The following CNTNAP2 variants were observed in gnomAD, a reference collection of about 807,000 sequenced individuals.
The protein encoded by CNTNAP2 is contactin-associated protein-like 2.
Under a neutral mutation model 155.2 loss-of-function variants are expected in CNTNAP2, and 98 were observed. The ratio of observed to expected loss-of-function variants is 0.63; its 90% CI spans 0.54 to 0.75. The LOEUF (loss-of-function observed/expected upper bound fraction) is 0.75. Ranked by LOEUF, CNTNAP2 falls within the 30% of genes least tolerant of loss-of-function variation. The probability of loss-of-function intolerance (pLI) is 0.00; values close to 1 mark genes in which losing one functional copy is unlikely to be tolerated. For missense variants in CNTNAP2, 1,727 were observed against 1,688.1 expected, an observed-to-expected ratio of 1.02 and a Z score of -0.40; for synonymous variants, 651 against 631.2, an observed-to-expected ratio of 1.03 and a Z score of -0.47.
chr7:147,490,156 C>T (rs1408031087), intron 11 of CNTNAP2, among the ~76,000 whole-genome samples: 5 of 151,974 alleles, frequency 3.3e-5, no homozygotes, highest in African/African-American at 1.2e-4. Flanking sequence ...TTTCATGTTG[C>T]CCAAATATAT....
chr7:146,321,388 A>G (rs1800998804), intron 1 of CNTNAP2, among the ~76,000 whole-genome samples: 2 of 152,162 alleles, frequency 1.3e-5, no homozygotes, highest in South Asian at 4.1e-4. Flanking sequence ...TAAAATCGAG[A>G]ACATCCCTCT....
rs189259790 is a variant in CNTNAP2 at position 146,164,152 on chromosome 7, T to A, written c.97+47179T>A. On this transcript the variant is annotated intron_variant, in intron 1 of 23. Transcript: ENST00000361727. The stretch of plus-strand genomic sequence containing the variant: ...TTTCCAGTTGGACTTTGCAGACATG[T>A]TATAGGTGTATACCTTGAATAACTT... Among the ~76,000 whole-genome samples the A allele has an allele frequency of 6.6e-4, 101 of 152,352 alleles. 1 individual carries two copies. The East Asian group carries it at 0.017, about 26-fold the overall frequency.
chr7:148,319,375 T>C (rs1327374394), intron 21 of CNTNAP2, among the ~76,000 whole-genome samples: 2 of 152,186 alleles, frequency 1.3e-5, no homozygotes, highest in Non-Finnish European at 2.9e-5. Context: ...AATTTTTCAA[T>C]ATAAAAATTA....
At chr7:147,386,359 T>C (rs1436916111) in intron 9 of CNTNAP2, among the ~76,000 whole-genome samples, 1 of 152,186 alleles carries the variant, frequency 6.6e-6, no homozygotes, top group African/African-American at 2.4e-5. Flanking sequence ...TCTATCACAT[T>C]GTCAGGTTGT....
chr7:147,232,514 C>G (rs910806155), intron 8 of CNTNAP2, among the ~76,000 whole-genome samples: 3 of 152,096 alleles, frequency 2.0e-5, no homozygotes, highest in Non-Finnish European at 4.4e-5. Context: ...AAAGAGAGAG[C>G]CTAGAAATAA....
chr7:146,217,416 C>G (rs1799131370), intron 1 of CNTNAP2, among the ~76,000 whole-genome samples: 1 of 152,128 alleles, frequency 6.6e-6, no homozygotes, highest in East Asian at 1.9e-4. Flanking sequence ...GTTTGTTATA[C>G]AGGTAAGTTG....
At chr7:146,290,400 A>G (rs1045549088) in intron 1 of CNTNAP2, among the ~76,000 whole-genome samples, 5 of 152,222 alleles carry the variant, frequency 3.3e-5, no homozygotes, top group Non-Finnish European at 4.4e-5. Context: ...CAGAACTCAG[A>G]AACAGTTCTT....
In CNTNAP2 at chr7:148,172,441, C is replaced by T. The variant is rs1263226596; in HGVS notation, c.2973C>T (p.Cys991=). Residue 991 remains cysteine, a synonymous_variant, in exon 18 of 24, where the codon TGC becomes TGT. Transcript: ENST00000361727. ...GATACCACGGTTACTCCTGCGATTG[C>T]TCTAATACTGCATATGATGGAACAT... The part of the protein sequence containing the change: ...LERYHGYSCD[C]SNTAYDGTFC... 1.2e-6 allele frequency: 2 copies of T among 1,614,158 alleles called. No individual in the cohort carries two copies. The highest frequency in any genetic ancestry group is 1.3e-5 in the African/African-American group (1 of 75,026).
At chr7:147,976,872 A>G (rs1193620186) in intron 14 of CNTNAP2, among the ~76,000 whole-genome samples, 1 of 151,926 alleles carries the variant, frequency 6.6e-6, no homozygotes, top group Non-Finnish European at 1.5e-5. Context: ...GATGAGTTCT[A>G]TGTGCAATTT....
rs201790135 is a variant in CNTNAP2, at chr7:147,103,260, A to AT, written c.551-4887_551-4886insT. 9.2e-3 allele frequency among the ~76,000 whole-genome samples: 1,398 copies of AT among 152,254 alleles called. 21 individuals are homozygous for AT. The highest frequency in any genetic ancestry group is 0.032 in the African/African-American group (1,328 of 41,566). On this transcript the variant is annotated intron_variant, in intron 4 of 23. Coordinates refer to ENST00000361727, the MANE Select transcript of CNTNAP2 (RefSeq NM_014141.6). ...GTAAATATACAAACATCAATGTATC[A>AT]GGTAGAGATAAATTCCATAAAAATG...
chr7:146,976,431 G>A lies in CNTNAP2; in HGVS notation c.403-67476G>A, dbSNP rs536659387. Among the ~76,000 whole-genome samples, 5 of 152,252 alleles carry A rather than the reference G, an allele frequency of 3.3e-5. No homozygotes were observed. The South Asian group carries it at 1.0e-3, about 32-fold the overall frequency. On this transcript the variant is annotated intron_variant, in intron 3 of 23. Transcript: ENST00000361727. ...CCCAGGCTCTTTTACCTGTGCTTCT[G>A]ACTGACCAGCTGTAAGTCAGGGATC...
At chr7:147,596,496 G>A (rs1035890081) in intron 12 of CNTNAP2, among the ~76,000 whole-genome samples, 5 of 151,848 alleles carry the variant, frequency 3.3e-5, no homozygotes, top group South Asian at 2.1e-4. Context: ...AAAACCTGTC[G>A]GTGCTTCCTA....
chr7:148,087,006 A>AT (rs1420067338), intron 15 of CNTNAP2, among the ~76,000 whole-genome samples: 3 of 152,188 alleles, frequency 2.0e-5, no homozygotes, highest in Non-Finnish European at 2.9e-5. Flanking sequence ...CTTCTTGGAA[A>AT]TTTAAAAAAA....
rs888956724 is a variant in CNTNAP2 at position 148,150,708 on chromosome 7, T to G, written c.2773+2999T>G. On this transcript the variant is annotated intron_variant, in intron 17 of 23. Coordinates refer to ENST00000361727, the MANE Select transcript of CNTNAP2 (RefSeq NM_014141.6). ...ATTTTCTTGACCAACTATTACCATC[T>G]TCCCTCTCTGAGTATCTTCTATTTC... 2.6e-5 allele frequency among the ~76,000 whole-genome samples: 4 copies of G among 152,320 alleles called. No homozygotes were observed. In the South Asian group the frequency reaches 8.3e-4, roughly 32 times the overall value.
At chr7:146,137,099 A>G (rs952395054) in intron 1 of CNTNAP2, among the ~76,000 whole-genome samples, 6 of 152,198 alleles carry the variant, frequency 3.9e-5, no homozygotes, top group African/African-American at 1.4e-4. Context: ...TGTGTTAGGT[A>G]TTTCCCAACT....
intron 12 of CNTNAP2, among the ~76,000 whole-genome samples, chr7:147,574,902 C>T (rs1463513214): frequency 6.6e-6 from 1 of 152,132 alleles, no homozygotes; most frequent in East Asian, 1.9e-4. Flanking sequence ...ATCTGTCAAA[C>T]AGCCTTAATG....
chr7:147,563,738 A>G (rs1341150940), intron 12 of CNTNAP2, among the ~76,000 whole-genome samples: 1 of 152,302 alleles, frequency 6.6e-6, no homozygotes, highest in Non-Finnish European at 1.5e-5. Context: ...AGAACCACTT[A>G]TAGAGTTTTA....
intron 3 of CNTNAP2, among the ~76,000 whole-genome samples, chr7:147,006,343 T>G (rs1798523546): frequency 6.6e-6 from 1 of 152,084 alleles, no homozygotes; most frequent in Admixed American, 6.6e-5. Flanking sequence ...AGTTATCCAT[T>G]GCCTGATATG....
intron 13 of CNTNAP2, among the ~76,000 whole-genome samples, chr7:147,870,654 T>C (rs1189666934): frequency 2.0e-5 from 3 of 152,228 alleles, no homozygotes; most frequent in Admixed American, 6.5e-5. Context: ...AATCTTTATA[T>C]GCCGCAATTC....
Sources: gnomAD v4.1 joint callset for allele counts (sites outside exome capture counted in the v4.1 genomes callset) on GRCh38, gnomAD v4.1.1 for gene constraint, MANE v1.5 for transcripts, NCBI Gene and HGNC (gene_info 2026-07-23, HGNC 2026-07-21) for gene names.